The following IL6ST variants were observed in gnomAD, a reference collection of about 807,000 sequenced individuals.
IL6ST encodes the protein interleukin-6 receptor subunit beta.
IL6ST carries 24 observed loss-of-function variants against 91.3 expected under a neutral mutation model. The ratio of observed to expected loss-of-function variants is 0.26; its 90% CI spans 0.19 to 0.37. The LOEUF is 0.37. Among genes scored for constraint, IL6ST ranks in the 10% least tolerant of loss-of-function variants. The pLI, the probability that IL6ST is intolerant of heterozygous loss-of-function variation, is 1.00. For missense variants in IL6ST, 914 were observed against 1,078.5 expected (o/e 0.85, Z 2.14); for synonymous variants, 351 against 373.6 (o/e 0.94, Z 0.70).
Position 55,945,648 on chromosome 5 carries a change from C to CTTTTTTT in IL6ST, c.1937+1838_1937+1844dup, listed in dbSNP as rs70995749. Among the ~76,000 whole-genome samples the CTTTTTTT allele has an allele frequency of 1.0e-3, 42 of 41,678 alleles. 13 individuals are homozygous for CTTTTTTT. The highest frequency in any genetic ancestry group is 5.4e-3 in the South Asian group (4 of 742). The allele number at this position is 41,678 out of a possible 152,430, so 27.3% of individuals were successfully genotyped here. On this transcript the variant is annotated intron_variant, in intron 15 of 16. Coordinates refer to ENST00000381298, the MANE Select transcript of IL6ST (RefSeq NM_002184.4). ...ACTTCATCAAAATAAAAAACTTATG[C>CTTTTTTT]TTTTTTTTTTTTTTTTTTTTTTTTT...
At position 55,957,202 on chromosome 5, in the gene IL6ST, T is replaced by G; in HGVS notation, c.1056+7A>C. ...ATAAGAGATAAAATATAAATGTGAT[T>G]TTTTACCTTCCACACGAGTTGTACA... On this transcript the variant is annotated splice_region_variant and intron_variant, in intron 9 of 16. Transcript: ENST00000381298. 7.1e-7 allele frequency: 1 copy of G among 1,417,612 alleles called. No individual in the cohort carries two copies. The highest frequency in any genetic ancestry group is 2.3e-5 in the Admixed American group (1 of 43,604). 87.8% of individuals were successfully genotyped at this position (1,417,612 alleles called of 1,614,324 possible). A position where few individuals can be genotyped will look rare whatever the true frequency, so the allele number is the denominator to read the frequency against.
intron 8 of IL6ST, among the ~76,000 whole-genome samples, chr5:55,960,058 G>T (rs922766935): frequency 9.9e-5 from 15 of 151,944 alleles, no homozygotes; most frequent in Non-Finnish European, 2.1e-4. Context: ...GCTAATTTTT[G>T]TATTTTTAAT....
In IL6ST at chr5:55,940,539, T is replaced by G. The variant is rs11574782; in HGVS notation, c.*543A>C. 6 of 213,900 alleles carry G rather than the reference T, an allele frequency of 2.8e-5. No individual in the cohort carries two copies. The Admixed American group carries it at 3.5e-4, about 12-fold the overall frequency. 13.3% of individuals were successfully genotyped at this position (213,900 alleles called of 1,614,324 possible). A position where few individuals can be genotyped will look rare whatever the true frequency, so the allele number is the denominator to read the frequency against. ...CTAAGGAATACCGTGTACACTGATA[T>G]ACACGAAGCTGCTCCTCATTTTTTT... On this transcript the variant is annotated 3_prime_UTR_variant, in exon 17 of 17. Coordinates refer to ENST00000381298, the MANE Select transcript of IL6ST (RefSeq NM_002184.4).
intron 15 of IL6ST, among the ~76,000 whole-genome samples, chr5:55,945,686 T>C (rs927863566): frequency 8.8e-6 from 1 of 113,622 alleles, no homozygotes; most frequent in Non-Finnish European, 1.7e-5. Flanking sequence ...TCAGACACTC[T>C]GTCACCCAGG....
At chr5:55,970,796 G>A (rs145589701) in intron 3 of IL6ST, among the ~76,000 whole-genome samples, 1 of 152,124 alleles carries the variant, frequency 6.6e-6, no homozygotes, top group East Asian at 1.9e-4. Context: ...AATCCCAGCT[G>A]CTTGGGAGGC....
In IL6ST at chr5:55,974,936, T is replaced by TACAC. The variant is rs376327228; in HGVS notation, c.64+1275_64+1278dup. Among the ~76,000 whole-genome samples, 431 of 147,336 alleles carry TACAC rather than the reference T, an allele frequency of 2.9e-3. 2 individuals are homozygous for TACAC. The highest frequency in any genetic ancestry group is 4.7e-3 in the South Asian group (22 of 4,652). On this transcript the variant is annotated intron_variant, in intron 3 of 16. Coordinates refer to ENST00000381298, the MANE Select transcript of IL6ST (RefSeq NM_002184.4). ...GGGACAGCTGGGATAGTATTATTCA[T>TACAC]ACACACACACACACACACATACACA...
At chr5:55,959,668 A>T in intron 8 of IL6ST, 2 of 1,292,806 alleles carry the variant, frequency 1.5e-6, no homozygotes, top group Non-Finnish European at 2.0e-6. Flanking sequence ...GGGCTTATCA[A>T]GTGCTATTAG....
chr5:55,938,887 TG>T lies in IL6ST; in HGVS notation c.*2194del. On this transcript the variant is annotated 3_prime_UTR_variant, in exon 17 of 17. Transcript: ENST00000381298. ...AATATGTATAAAGTGTTCTTGGGGA[TG>T]GGGGTATATTCACTCACTGTACCAT... 4.9e-6 allele frequency: 1 copy of T among 202,876 alleles called. No homozygotes were observed. Among genetic ancestry groups the T allele is most frequent in the African/African-American group, 2.3e-5 (1 of 43,704 alleles). 12.6% of individuals were successfully genotyped at this position (202,876 alleles called of 1,614,324 possible).
chr5:55,968,486 A>T, intron 4 of IL6ST, 90 bp from the exon 5 acceptor site: 3 of 1,249,154 alleles, frequency 2.4e-6, no homozygotes, highest in Non-Finnish European at 3.4e-6. Flanking sequence ...TGCGATCTAA[A>T]TTAGATGAAA....
At chr5:55,968,637 A>T (rs1374068282) in intron 4 of IL6ST, among the ~76,000 whole-genome samples, 1 of 152,200 alleles carries the variant, frequency 6.6e-6, no homozygotes, top group East Asian at 1.9e-4. Flanking sequence ...GTTTCACATT[A>T]ATTTTCTATG....
chr5:55,979,726 GC>G (rs1223593315), intron 2 of IL6ST, among the ~76,000 whole-genome samples: 1 of 152,316 alleles, frequency 6.6e-6, no homozygotes, highest in East Asian at 1.9e-4. Flanking sequence ...AAGGCAGAGA[GC>G]CAGTTCGGCA....
intron 5 of IL6ST, among the ~76,000 whole-genome samples, chr5:55,966,323 A>G (rs900980520): frequency 2.6e-5 from 4 of 152,186 alleles, no homozygotes; most frequent in Admixed American, 6.5e-5. Context: ...ATGGTGAAGA[A>G]TATCAGACAG....
At chr5:55,972,195 AC>A in intron 3 of IL6ST, among the ~76,000 whole-genome samples, 1 of 152,200 alleles carries the variant, frequency 6.6e-6, no homozygotes, top group Non-Finnish European at 1.5e-5. Flanking sequence ...ATTTTTAATC[AC>A]ACAGAATAAG....
At chr5:55,986,014 C>T (rs1003660213) in intron 1 of IL6ST, among the ~76,000 whole-genome samples, 2 of 152,216 alleles carry the variant, frequency 1.3e-5, no homozygotes, top group African/African-American at 2.4e-5. Context: ...TATTTATATG[C>T]TACCACCACA....
chr5:55,943,626 T>C (rs1173513244), intron 15 of IL6ST, among the ~76,000 whole-genome samples: 3 of 152,104 alleles, frequency 2.0e-5, no homozygotes, highest in African/African-American at 4.8e-5. Context: ...ACCATATTCA[T>C]GGAAGGAAGG....
At chr5:55,993,579 T>C (rs553178423) in intron 1 of IL6ST, among the ~76,000 whole-genome samples, 25 of 152,318 alleles carry the variant, frequency 1.6e-4, no homozygotes, top group African/African-American at 4.6e-4. Flanking sequence ...GTATTGTCAA[T>C]ACATACTTAA....
At chr5:55,955,738 A>AG (rs1316487466) in intron 10 of IL6ST, among the ~76,000 whole-genome samples, 2 of 152,212 alleles carry the variant, frequency 1.3e-5, no homozygotes, top group African/African-American at 4.8e-5. Context: ...TGCGATCACT[A>AG]GCTGGGTTTG....
At position 55,941,195 on chromosome 5, in the gene IL6ST, C is replaced by G; in HGVS notation, c.2644G>C (p.Glu882Gln). The change falls in exon 17 of 17, where the codon GAG becomes CAG. Residue 882 changes from glutamate to glutamine, a missense_variant. Physicochemically the swap from Glu to Gln is conservative, Grantham distance 29. Coordinates refer to ENST00000381298, the MANE Select transcript of IL6ST (RefSeq NM_002184.4). ...GTTTCAAATCTTTCTACTTGTCCCT[C>G]AGTACCTGGACCAAAAGCATCTGCT... ...SAADAFGPGT[E>Q]GQVERFETVG... 1 of 1,614,154 alleles carries G rather than the reference C, an allele frequency of 6.2e-7. No individual in the cohort carries two copies. The highest frequency in any genetic ancestry group is 8.5e-7 in the Non-Finnish European group (1 of 1,179,996).
intron 10 of IL6ST, 119 bp downstream of exon 10, chr5:55,955,906 G>T: frequency 1.9e-6 from 1 of 530,666 alleles, no homozygotes; most frequent in South Asian, 3.9e-5. Context: ...ATAAACAAGT[G>T]ATTATCCCTG....
Sources: gnomAD v4.1 joint callset for allele counts (sites outside exome capture counted in the v4.1 genomes callset) on GRCh38, gnomAD v4.1.1 for gene constraint, MANE v1.5 for transcripts, NCBI Gene and HGNC (gene_info 2026-07-23, HGNC 2026-07-21) for gene names.